The following FBXL7 variants were observed in gnomAD, a reference collection of about 807,000 sequenced individuals.
The protein encoded by FBXL7 is F-box and leucine rich repeat protein 7.
In FBXL7, 12 loss-of-function variants were observed where a neutral mutation model predicts 38.3. That is an observed-to-expected ratio of 0.31 (90% CI 0.20 to 0.51). FBXL7 has a LOEUF of 0.51. Ranked by LOEUF, FBXL7 falls within the 20% of genes least tolerant of loss-of-function variation. The pLI, the probability that FBXL7 is intolerant of heterozygous loss-of-function variation, is 0.98. For synonymous variants in FBXL7, 297 were observed against 300.9 expected, an observed-to-expected ratio of 0.99 and a Z score of 0.13; for missense variants, 567 against 676.4, an observed-to-expected ratio of 0.84 and a Z score of 1.79.
chr5:15,617,717 G>A (rs1031736560), intron 2 of FBXL7, among the ~76,000 whole-genome samples: 2 of 152,158 alleles, frequency 1.3e-5, no homozygotes, highest in African/African-American at 4.8e-5. Flanking sequence ...GGGATTACAG[G>A]CATGAGCCAC....
chr5:15,772,061 G>A (rs537304341), intron 2 of FBXL7, among the ~76,000 whole-genome samples: 51 of 151,582 alleles, frequency 3.4e-4, no homozygotes, highest in African/African-American at 1.2e-3. Flanking sequence ...ATGAGCCACC[G>A]TGCCCAGAAG....
intron 2 of FBXL7, among the ~76,000 whole-genome samples, chr5:15,898,036 A>G (rs928814642): frequency 6.6e-6 from 1 of 152,192 alleles, no homozygotes; most frequent in Non-Finnish European, 1.5e-5. Flanking sequence ...AGAGTTTCCC[A>G]TTCACTTCCA....
rs60380134 is a variant in FBXL7, at chr5:15,620,416, T to G, written c.127+4344T>G. Among the ~76,000 whole-genome samples the G allele has an allele frequency of 7.3e-4, 109 of 150,286 alleles. 2 individuals are homozygous for G. The highest frequency in any genetic ancestry group is 2.5e-3 in the African/African-American group (104 of 40,880). On this transcript the variant is annotated intron_variant, in intron 2 of 3. Transcript: ENST00000504595. Reference sequence around the variant, plus strand: ...CCCAGCTAATTTTTTGTTTTTTGTTTTTTTTTTTTTTTAAGTAGAAACGGG... The same window carrying G: ...CCCAGCTAATTTTTTGTTTTTTGTTGTTTTTTTTTTTTAAGTAGAAACGGG...
chr5:15,619,890 T>C (rs1006679339), intron 2 of FBXL7, among the ~76,000 whole-genome samples: 14 of 152,206 alleles, frequency 9.2e-5, no homozygotes, highest in Admixed American at 1.3e-4. Context: ...GACATCTACA[T>C]GGTAGCTAAC....
chr5:15,793,992 G>A (rs1170694270), intron 2 of FBXL7, among the ~76,000 whole-genome samples: 5 of 152,144 alleles, frequency 3.3e-5, no homozygotes, highest in South Asian at 2.1e-4. Flanking sequence ...CAGTGGCAAC[G>A]CATTTTTGGA....
rs185325417 is a variant in FBXL7, at chr5:15,628,615, C to T, written c.127+12543C>T. Among the ~76,000 whole-genome samples, 14 of 152,306 alleles carry T rather than the reference C, an allele frequency of 9.2e-5. No homozygotes were observed. The East Asian group carries it at 2.1e-3, about 23-fold the overall frequency. On this transcript the variant is annotated intron_variant, in intron 2 of 3. Transcript: ENST00000504595. ...CTTCTGAATAATCCATCCATTAACA[C>T]GTCCATAATATTCAATGTGAATACA... is the stretch of plus-strand genomic sequence containing the variant.
chr5:15,510,994 G>C (rs1377655967), intron 1 of FBXL7, among the ~76,000 whole-genome samples: 1 of 152,150 alleles, frequency 6.6e-6, no homozygotes, highest in Non-Finnish European at 1.5e-5. Flanking sequence ...TGTTTGCTCT[G>C]GAGACCATGC....
chr5:15,880,607 G>T (rs949758382), intron 2 of FBXL7, among the ~76,000 whole-genome samples: 4 of 151,412 alleles, frequency 2.6e-5, no homozygotes, highest in Non-Finnish European at 5.9e-5. Context: ...AATTCGTTTT[G>T]ATTATAATTT....
intron 1 of FBXL7, among the ~76,000 whole-genome samples, chr5:15,568,843 G>A (rs1410766819): frequency 1.3e-5 from 2 of 152,228 alleles, no homozygotes; most frequent in Middle Eastern, 3.4e-3. Context: ...TTATTAAATA[G>A]GGAATCCTTT....
chr5:15,818,022 T>G (rs1173102670), intron 2 of FBXL7, among the ~76,000 whole-genome samples: 1 of 152,204 alleles, frequency 6.6e-6, no homozygotes, highest in African/African-American at 2.4e-5. Flanking sequence ...ATTGCTGTCA[T>G]TCTTCATCTC....
intron 1 of FBXL7, among the ~76,000 whole-genome samples, chr5:15,504,965 G>A (rs1019967038): frequency 3.9e-5 from 6 of 152,178 alleles, no homozygotes; most frequent in African/African-American, 1.4e-4. Context: ...CGAGGACATT[G>A]TTGAATTGGG....
chr5:15,819,354 GA>G (rs891097085), intron 2 of FBXL7, among the ~76,000 whole-genome samples: 5 of 149,418 alleles, frequency 3.3e-5, no homozygotes, highest in South Asian at 4.3e-4. Context: ...TATGAAAACT[GA>G]AAAAAAAATG....
chr5:15,774,754 T>A lies in FBXL7; in HGVS notation c.128-153136T>A, dbSNP rs369222775. 3.9e-5 allele frequency among the ~76,000 whole-genome samples: 6 copies of A among 152,296 alleles called. No individual in the cohort carries two copies. In the South Asian group the frequency reaches 1.2e-3, roughly 32 times the overall value. ...AATTTCAAAGTAGTTAGAGCGACAGTTTTTCCTTGCCTTTTCTGATTCTCA... is the reference window on the plus strand; with the variant it reads ...AATTTCAAAGTAGTTAGAGCGACAGATTTTCCTTGCCTTTTCTGATTCTCA... On this transcript the variant is annotated intron_variant, in intron 2 of 3. Transcript: ENST00000504595.
intron 2 of FBXL7, among the ~76,000 whole-genome samples, chr5:15,906,331 A>C (rs1332917977): frequency 1.3e-5 from 2 of 152,050 alleles, no homozygotes; most frequent in African/African-American, 4.8e-5. Flanking sequence ...CTTTCTAAAG[A>C]GAAACATGAC....
intron 2 of FBXL7, among the ~76,000 whole-genome samples, chr5:15,891,730 A>G (rs1024458094): frequency 6.6e-6 from 1 of 152,224 alleles, no homozygotes; most frequent in Non-Finnish European, 1.5e-5. Context: ...TCCCAGCAGG[A>G]ACAGATGGCA....
chr5:15,927,046 A>G (rs540081806), intron 2 of FBXL7, among the ~76,000 whole-genome samples: 1 of 151,590 alleles, frequency 6.6e-6, no homozygotes, highest in Non-Finnish European at 1.5e-5. Flanking sequence ...AAACAATGAA[A>G]CTTTGAAGTT....
At position 15,932,244 on chromosome 5, in the gene FBXL7, C is replaced by T. The variant is rs186085882; in HGVS notation, c.739+3743C>T. 4.3e-4 allele frequency among the ~76,000 whole-genome samples: 66 copies of T among 152,260 alleles called. 1 individual carries two copies. The highest frequency in any genetic ancestry group is 1.5e-3 in the South Asian group (7 of 4,820). ...TAAATGAGTTAAGACATGTTAAGTT[C>T]TCAAACACATGCTCTGAAGGGAACC... On this transcript the variant is annotated intron_variant, in intron 3 of 3. Transcript: ENST00000504595.
At chr5:15,521,564 G>C (rs909009361) in intron 1 of FBXL7, among the ~76,000 whole-genome samples, 1 of 152,164 alleles carries the variant, frequency 6.6e-6, no homozygotes, top group Non-Finnish European at 1.5e-5. Context: ...TTGGGCGGTG[G>C]TTATATAGAT....
chr5:15,833,169 A>G (rs1738502726), intron 2 of FBXL7, among the ~76,000 whole-genome samples: 1 of 152,152 alleles, frequency 6.6e-6, no homozygotes, highest in East Asian at 1.9e-4. Context: ...ATGAAAGCGG[A>G]CTAATACACT....
Sources: allele counts gnomAD v4.1 joint callset (sites outside exome capture counted in the v4.1 genomes callset), GRCh38; gene constraint gnomAD v4.1.1; transcripts MANE v1.5; gene names NCBI Gene and HGNC (gene_info 2026-07-23, HGNC 2026-07-21).